TTC27: variants seen among roughly 807,000 people sequenced by gnomAD.
TTC27 encodes tetratricopeptide repeat protein 27.
A neutral mutation model predicts 115.9 loss-of-function variants in TTC27; 79 were observed. That is an observed-to-expected ratio of 0.68 (90% CI 0.57 to 0.82). The LOEUF is 0.82. Among genes scored for constraint, TTC27 ranks in the 40% least tolerant of loss-of-function variants. TTC27 has a pLI of 0.00. For synonymous variants in TTC27, 401 were observed against 356.0 expected (o/e 1.13, Z -1.42); for missense variants, 1,054 against 993.1 (o/e 1.06, Z -0.82).
chr2:32,696,654 A>G (rs1666999313), intron 9 of TTC27, among the ~76,000 whole-genome samples: 1 of 152,144 alleles, frequency 6.6e-6, no homozygotes, highest in South Asian at 2.1e-4. Context: ...CCTTTTGGCT[A>G]TGTGTATAAT....
At chr2:32,663,068 C>T (rs1196158685) in intron 5 of TTC27, among the ~76,000 whole-genome samples, 4 of 152,178 alleles carry the variant, frequency 2.6e-5, no homozygotes, top group Non-Finnish European at 5.9e-5. Flanking sequence ...GACTGCTGTG[C>T]TGGCAGTGAG....
At chr2:32,760,915 G>A (rs1382261281) in intron 13 of TTC27, among the ~76,000 whole-genome samples, 2 of 152,042 alleles carry the variant, frequency 1.3e-5, no homozygotes, top group East Asian at 3.9e-4. Flanking sequence ...GGTTCCTAGG[G>A]GTGCCTTAAA....
chr2:32,772,469 T>C (rs1265893245), intron 13 of TTC27, among the ~76,000 whole-genome samples: 1 of 152,206 alleles, frequency 6.6e-6, no homozygotes, highest in Non-Finnish European at 1.5e-5. Flanking sequence ...AATGATACAT[T>C]TTCAGTAGAA....
In TTC27 at chr2:32,729,977, C is replaced by T. The variant is rs186729157; in HGVS notation, c.1234-3851C>T. The stretch of plus-strand genomic sequence containing the variant: ...ACACACTGCTTTGGAGACCATTTAC[C>T]TAAATTTCTGGGCGTGTGTGAAAGC... On this transcript the variant is annotated intron_variant, in intron 10 of 19. Coordinates refer to ENST00000317907, the MANE Select transcript of TTC27 (RefSeq NM_017735.5). Among the ~76,000 whole-genome samples the T allele has an allele frequency of 9.9e-5, 15 of 152,214 alleles. No individual in the cohort carries two copies. In the East Asian group the frequency reaches 2.7e-3, roughly 27 times the overall value.
intron 10 of TTC27, among the ~76,000 whole-genome samples, chr2:32,704,272 T>C (rs1667290128): frequency 6.6e-6 from 1 of 152,106 alleles, no homozygotes; most frequent in Non-Finnish European, 1.5e-5. Flanking sequence ...CTGCAACCTC[T>C]ACCTCTGGGG....
intron 13 of TTC27, among the ~76,000 whole-genome samples, chr2:32,765,357 C>CTT (rs35543003): frequency 1.3e-3 from 184 of 139,688 alleles, no homozygotes; most frequent in Middle Eastern, 3.6e-3. Flanking sequence ...TGAAAGGAAT[C>CTT]TTTTTTTTTT....
chr2:32,666,749 C>T lies in TTC27; in HGVS notation c.920C>T (p.Pro307Leu). Residue 307 changes from proline (P) to leucine (L), a missense_variant, in exon 7 of 20, where the codon CCT becomes CTT. By Grantham distance (98) the Pro-to-Leu change is moderately conservative. Coordinates refer to ENST00000317907, the MANE Select transcript of TTC27 (RefSeq NM_017735.5). ...TGTGAATTCACTCCAGCACCCACTC[C>T]TCAGGAACATTTAACCAAGGCAAGT... ...SNCEFTPAPT[P>L]QEHLTKNLEL... 3 of 1,612,900 alleles carry T rather than the reference C, an allele frequency of 1.9e-6. No homozygotes were observed. The highest frequency in any genetic ancestry group is 2.5e-6 in the Non-Finnish European group (3 of 1,179,404).
chr2:32,787,116 C>G lies in TTC27; in HGVS notation c.1965C>G (p.Leu655=), dbSNP rs1670375864. Reference sequence around the variant, plus strand: ...AAGCCATTAAAGCTTATCACCGGCTCTTGGACTTACGTGACAAATACAAAG... The same window carrying G: ...AAGCCATTAAAGCTTATCACCGGCTGTTGGACTTACGTGACAAATACAAAG... The part of the protein sequence containing the change: ...FSEAIKAYHR[L]LDLRDKYKDV... The change falls in exon 16 of 20, where the codon CTC becomes CTG. Residue 655 remains leucine (L), a synonymous_variant. Transcript: ENST00000317907. 1 of 1,613,490 alleles carries G rather than the reference C, an allele frequency of 6.2e-7. No homozygotes were observed. The highest frequency in any genetic ancestry group is 8.5e-7 in the Non-Finnish European group (1 of 1,179,876).
chr2:32,716,603 C>T (rs1198184294), intron 10 of TTC27, among the ~76,000 whole-genome samples: 7 of 152,098 alleles, frequency 4.6e-5, no homozygotes, highest in Non-Finnish European at 1.0e-4. Flanking sequence ...TTTTCATCTC[C>T]TCTTCCATTT....
At chr2:32,700,455 A>AAAAT (rs1667145222) in intron 9 of TTC27, among the ~76,000 whole-genome samples, 1 of 152,214 alleles carries the variant, frequency 6.6e-6, no homozygotes, top group South Asian at 2.1e-4. Flanking sequence ...AGATGAAAAG[A>AAAAT]AAATGAAGGC....
chr2:32,765,010 G>A (rs1046220950), intron 13 of TTC27, among the ~76,000 whole-genome samples: 1 of 152,132 alleles, frequency 6.6e-6, no homozygotes, highest in African/African-American at 2.4e-5. Flanking sequence ...ATGAAAGTTG[G>A]AATCAGCTTC....
intron 18 of TTC27, among the ~76,000 whole-genome samples, chr2:32,813,134 C>A (rs1359001003): frequency 6.6e-6 from 1 of 152,066 alleles, no homozygotes; most frequent in African/African-American, 2.4e-5. Context: ...AAATATAGTC[C>A]AAATAAGCAT....
intron 13 of TTC27, chr2:32,766,637 C>G (rs1285046122): frequency 1.2e-5 from 2 of 161,604 alleles, no homozygotes; most frequent in Admixed American, 6.3e-5. Flanking sequence ...TTGCAGATCA[C>G]CATAACAAAT....
intron 15 of TTC27, among the ~76,000 whole-genome samples, chr2:32,786,593 T>C (rs1220633007): frequency 2.6e-5 from 4 of 152,224 alleles, no homozygotes; most frequent in Non-Finnish European, 5.9e-5. Context: ...TCCTTGCCTC[T>C]GGTCCCTCCA....
chr2:32,635,104 C>T lies in TTC27; in HGVS notation c.396+1099C>T, dbSNP rs139666518. Among the ~76,000 whole-genome samples, 477 of 152,230 alleles carry T rather than the reference C, an allele frequency of 3.1e-3. 3 individuals carry two copies. Among genetic ancestry groups the T allele is most frequent in the African/African-American group, 7.5e-3 (311 of 41,556 alleles). On this transcript the variant is annotated intron_variant, in intron 3 of 19. Transcript: ENST00000317907. ...TTATCCATTGTGAAGATAATATTAT[C>T]GATCTGTGCCAGTGTGTCGCCAATA...
chr2:32,737,365 G>C (rs186158237), intron 12 of TTC27, among the ~76,000 whole-genome samples: 1 of 152,226 alleles, frequency 6.6e-6, no homozygotes, highest in East Asian at 1.9e-4. Context: ...AGAATTTTAA[G>C]AAGAATAAGG....
chr2:32,730,556 A>T (rs1668258444), intron 10 of TTC27, among the ~76,000 whole-genome samples: 1 of 152,140 alleles, frequency 6.6e-6, no homozygotes. Context: ...TTAAAAAAAA[A>T]AAGAGTACTT....
At chr2:32,677,258 A>G (rs1666243647) in intron 8 of TTC27, among the ~76,000 whole-genome samples, 1 of 152,190 alleles carries the variant, frequency 6.6e-6, no homozygotes, top group Non-Finnish European at 1.5e-5. Context: ...TTGGATGAAT[A>G]TACAACAATT....
chr2:32,674,538 T>C (rs1273362405), intron 8 of TTC27, among the ~76,000 whole-genome samples: 1 of 152,344 alleles, frequency 6.6e-6, no homozygotes, highest in East Asian at 1.9e-4. Flanking sequence ...GTAAGTTTTC[T>C]TTTATATAAA....
Sources: gnomAD v4.1 joint callset for allele counts (sites outside exome capture counted in the v4.1 genomes callset) on GRCh38, gnomAD v4.1.1 for gene constraint, MANE v1.5 for transcripts, NCBI Gene and HGNC (gene_info 2026-07-23, HGNC 2026-07-21) for gene names.